The following ZNF782 variants were observed in gnomAD, a reference collection of about 807,000 sequenced individuals.
ZNF782 encodes the protein zinc finger protein 782.
A neutral mutation model predicts 13.0 loss-of-function variants in ZNF782; 12 were observed. That is an observed-to-expected ratio of 0.92 (90% CI 0.59 to 1.50). The LOEUF (loss-of-function observed/expected upper bound fraction) is 1.50. Among genes scored for constraint, ZNF782 ranks in the 40% most tolerant of loss-of-function variants. ZNF782 has a pLI of 0.00. For missense variants in ZNF782, 770 were observed against 822.9 expected, an observed-to-expected ratio of 0.94 and a Z score of 0.79; for synonymous variants, 284 against 283.0, an observed-to-expected ratio of 1.00 and a Z score of -0.04.
upstream of ZNF782, among the ~76,000 whole-genome samples, chr9:96,879,633 T>C (rs966526251): frequency 2.0e-5 from 3 of 152,154 alleles, no homozygotes; most frequent in Non-Finnish European, 4.4e-5. Context: ...CCGCCAGGGT[T>C]GATGTGAGGG....
chr9:96,835,777 A>G (rs1030780538), intron 4 of ZNF782, among the ~76,000 whole-genome samples: 3 of 152,012 alleles, frequency 2.0e-5, no homozygotes, highest in African/African-American at 7.2e-5. Context: ...TGTATGAAAA[A>G]CCCTATAGGC....
chr9:96,885,676 T>C, the ZNF782 span, among the ~76,000 whole-genome samples: 2 of 151,724 alleles, frequency 1.3e-5, no homozygotes, highest in Non-Finnish European at 2.9e-5. Flanking sequence ...AAGACATTGA[T>C]GCCAAGACAC....
chr9:96,902,711 AT>A, the ZNF782 span, among the ~76,000 whole-genome samples: 1 of 143,796 alleles, frequency 7.0e-6, no homozygotes, highest in Non-Finnish European at 1.5e-5. Flanking sequence ...TGTAAACATT[AT>A]TTTATATATT....
chr9:96,884,858 A>G, the ZNF782 span, among the ~76,000 whole-genome samples: 603 of 152,288 alleles, frequency 4.0e-3, 1 homozygote, highest in Non-Finnish European at 4.1e-3. Context: ...TAATATAGAA[A>G]ATATCTGGGA....
At chr9:96,859,796 G>T (rs975189382) in intron 3 of ZNF782, among the ~76,000 whole-genome samples, 4 of 152,192 alleles carry the variant, frequency 2.6e-5, no homozygotes, top group African/African-American at 9.6e-5. Context: ...AGCTACAGTG[G>T]AGAAGAGCAC....
In ZNF782 at chr9:96,817,912, T is replaced by C. The variant is rs1173948539; in HGVS notation, c.*11A>G. On this transcript the variant is annotated 3_prime_UTR_variant, in exon 6 of 6. Transcript: ENST00000481138. ...GCTCAGAGTTTTTTCGTATTCTTTA[T>C]ATGCATACATTTAATCCCCTGGGTG... 3.9e-6 allele frequency: 6 copies of C among 1,536,794 alleles called. No individual in the cohort carries two copies. The highest frequency in any genetic ancestry group is 1.8e-4 in the Middle Eastern group (1 of 5,686).
the ZNF782 span, among the ~76,000 whole-genome samples, chr9:96,926,276 CCTCAA>C: frequency 6.9e-6 from 1 of 144,648 alleles, no homozygotes; most frequent in Admixed American, 6.9e-5. Flanking sequence ...TGATATTTTG[CCTCAA>C]CATCCCTCTT....
chr9:96,863,599 T>G (rs1851729361), intron 1 of ZNF782, among the ~76,000 whole-genome samples: 1 of 152,156 alleles, frequency 6.6e-6, no homozygotes, highest in Admixed American at 6.5e-5. Flanking sequence ...TGCAAAAATA[T>G]GGAGTCAGCC....
intron 4 of ZNF782, among the ~76,000 whole-genome samples, chr9:96,831,934 T>C (rs564452360): frequency 4.5e-4 from 68 of 152,312 alleles, no homozygotes; most frequent in Middle Eastern, 3.4e-3. Context: ...TACATTTAGG[T>C]GAATTTTAAA....
intron 3 of ZNF782, among the ~76,000 whole-genome samples, chr9:96,848,666 A>G (rs1259224269): frequency 6.6e-6 from 1 of 152,234 alleles, no homozygotes; most frequent in Non-Finnish European, 1.5e-5. Flanking sequence ...ACACTGCTGA[A>G]AGAAATCACA....
At chr9:96,910,774 C>A in the ZNF782 span, among the ~76,000 whole-genome samples, 5 of 148,526 alleles carry the variant, frequency 3.4e-5, no homozygotes, top group African/African-American at 4.9e-5. Flanking sequence ...GTAGCTGGGA[C>A]TACAGGCGCC....
intron 5 of ZNF782, among the ~76,000 whole-genome samples, chr9:96,825,408 A>G (rs1850583398): frequency 6.6e-6 from 1 of 152,078 alleles, no homozygotes; most frequent in South Asian, 2.1e-4. Context: ...AATCAATTCA[A>G]GATGGATTAA....
chr9:96,839,664 C>A (rs1053721275), intron 4 of ZNF782, among the ~76,000 whole-genome samples: 2 of 152,080 alleles, frequency 1.3e-5, no homozygotes, highest in African/African-American at 4.8e-5. Flanking sequence ...TCACTCACCC[C>A]CCCCACCTGC....
At chr9:96,926,635 C>CA in the ZNF782 span, among the ~76,000 whole-genome samples, 1 of 151,700 alleles carries the variant, frequency 6.6e-6, no homozygotes, top group African/African-American at 2.4e-5. Flanking sequence ...AGAGTTGGGA[C>CA]AAAACCGAGA....
chr9:96,914,098 T>C, the ZNF782 span, among the ~76,000 whole-genome samples: 2 of 151,536 alleles, frequency 1.3e-5, no homozygotes, highest in Non-Finnish European at 2.9e-5. Context: ...TATTGCATTA[T>C]TATTATTTTT....
At chr9:96,821,177 G>A (rs544092766) in intron 5 of ZNF782, among the ~76,000 whole-genome samples, 2 of 152,266 alleles carry the variant, frequency 1.3e-5, no homozygotes, top group South Asian at 4.1e-4. Context: ...TACTGCCTTA[G>A]TGCCCTAACA....
At chr9:96,892,672 A>C in the ZNF782 span, 4 of 152,214 alleles carry the variant, frequency 2.6e-5, no homozygotes, top group South Asian at 8.3e-4. Flanking sequence ...TTTTTCTTGA[A>C]CTATATTCTT....
chr9:96,881,543 A>C, the ZNF782 span, among the ~76,000 whole-genome samples: 2 of 152,108 alleles, frequency 1.3e-5, no homozygotes, highest in African/African-American at 2.4e-5. Flanking sequence ...AAACCAATGG[A>C]AAAAAATTAA....
chr9:96,917,791 A>G, the ZNF782 span, among the ~76,000 whole-genome samples: 1 of 151,344 alleles, frequency 6.6e-6, no homozygotes, highest in African/African-American at 2.4e-5. Context: ...TGGCATGATC[A>G]TGACTCACTA....
Sources: gnomAD v4.1 joint callset for allele counts (sites outside exome capture counted in the v4.1 genomes callset) on GRCh38, gnomAD v4.1.1 for gene constraint, MANE v1.5 for transcripts, NCBI Gene and HGNC (gene_info 2026-07-23, HGNC 2026-07-21) for gene names.